NELL2: variants seen among roughly 807,000 people sequenced by gnomAD.
NELL2 encodes neural EGFL like 2, also known as protein kinase C-binding protein NELL2.
A neutral mutation model predicts 109.6 loss-of-function variants in NELL2; 41 were observed. That is an observed-to-expected ratio of 0.37 (90% CI 0.29 to 0.49). The LOEUF is 0.49. Among genes scored for constraint, NELL2 ranks in the 20% least tolerant of loss-of-function variants. The pLI, the probability that NELL2 is intolerant of heterozygous loss-of-function variation, is 0.98. For missense variants in NELL2, 900 were observed against 1,008.3 expected (o/e 0.89, Z 1.45); for synonymous variants, 355 against 344.7 (o/e 1.03, Z -0.33).
At chr12:44,818,989 G>T (rs1414436581) in intron 2 of NELL2, among the ~76,000 whole-genome samples, 1 of 151,730 alleles carries the variant, frequency 6.6e-6, no homozygotes, top group Non-Finnish European at 1.5e-5. Flanking sequence ...TGATCCACCC[G>T]CCTCGGCCTC....
chr12:44,554,696 A>G (rs1943175063), intron 15 of NELL2, among the ~76,000 whole-genome samples: 1 of 152,232 alleles, frequency 6.6e-6, no homozygotes, highest in Non-Finnish European at 1.5e-5. Context: ...TACAATGGTC[A>G]GAAATTGGTC....
intron 15 of NELL2, among the ~76,000 whole-genome samples, chr12:44,549,785 G>A (rs1419234560): frequency 6.6e-6 from 1 of 152,120 alleles, no homozygotes; most frequent in Non-Finnish European, 1.5e-5. Context: ...TTCATGGATT[G>A]GAAGGCTTCA....
At chr12:44,562,563 A>G (rs1039549630) in intron 15 of NELL2, among the ~76,000 whole-genome samples, 2 of 152,264 alleles carry the variant, frequency 1.3e-5, no homozygotes, top group Non-Finnish European at 2.9e-5. Flanking sequence ...AACATACGAA[A>G]AAAAGCTCAT....
chr12:44,557,422 G>A (rs1210336091), intron 15 of NELL2, among the ~76,000 whole-genome samples: 1 of 152,130 alleles, frequency 6.6e-6, no homozygotes, highest in African/African-American at 2.4e-5. Flanking sequence ...AAGGGGAGAT[G>A]GTAGAAAGAG....
intron 13 of NELL2, among the ~76,000 whole-genome samples, chr12:44,642,006 C>A (rs563960099): frequency 1.3e-5 from 2 of 152,226 alleles, no homozygotes; most frequent in South Asian, 4.2e-4. Context: ...CCAGTTTCTT[C>A]ATTTTTGGAG....
At chr12:44,706,549 C>T (rs529329887) in intron 11 of NELL2, among the ~76,000 whole-genome samples, 2 of 152,224 alleles carry the variant, frequency 1.3e-5, no homozygotes, top group Admixed American at 6.5e-5. Context: ...ACTAACTGTA[C>T]ATTAATTAAC....
At chr12:44,553,610 G>C (rs925670772) in intron 15 of NELL2, among the ~76,000 whole-genome samples, 5 of 152,124 alleles carry the variant, frequency 3.3e-5, no homozygotes, top group Non-Finnish European at 5.9e-5. Flanking sequence ...AAGTAGAATA[G>C]TATATGTTTG....
chr12:44,602,008 A>G (rs1296933087), intron 15 of NELL2, among the ~76,000 whole-genome samples: 1 of 152,186 alleles, frequency 6.6e-6, no homozygotes, highest in Non-Finnish European at 1.5e-5. Context: ...ATTAAGGATC[A>G]CCAACATAAA....
At chr12:44,682,658 C>A (rs972012334) in intron 12 of NELL2, among the ~76,000 whole-genome samples, 1 of 152,190 alleles carries the variant, frequency 6.6e-6, no homozygotes, top group Non-Finnish European at 1.5e-5. Context: ...TTCCCCAGCA[C>A]CATTTATTAA....
chr12:44,848,372 G>A (rs1944436047), intron 2 of NELL2, among the ~76,000 whole-genome samples: 1 of 152,144 alleles, frequency 6.6e-6, no homozygotes, highest in Non-Finnish European at 1.5e-5. Flanking sequence ...AAGGCAGTCA[G>A]CCAGGAGATG....
chr12:44,822,331 C>A (rs1468582907), intron 2 of NELL2, among the ~76,000 whole-genome samples: 1 of 152,112 alleles, frequency 6.6e-6, no homozygotes, highest in Non-Finnish European at 1.5e-5. Context: ...GGCCATAACA[C>A]CCTTGTGATT....
chr12:44,743,579 G>A (rs1490953841), intron 9 of NELL2, among the ~76,000 whole-genome samples: 1 of 152,082 alleles, frequency 6.6e-6, no homozygotes, highest in East Asian at 1.9e-4. Context: ...GACACACAAA[G>A]GCTCAAAATA....
At chr12:44,875,108 T>C (rs1204298042) in intron 2 of NELL2, 117 bp downstream of exon 2, 76 of 1,374,404 alleles carry the variant, frequency 5.5e-5, no homozygotes, top group East Asian at 9.9e-5. Flanking sequence ...CTTCTACACC[T>C]CAGCTAAAGT....
chr12:44,625,004 A>ATATATATATATATATGTGTG (rs1197972759), intron 13 of NELL2, among the ~76,000 whole-genome samples: 2 of 100,604 alleles, frequency 2.0e-5, no homozygotes, highest in African/African-American at 1.2e-4. Context: ...GTGTATATAT[A>ATATATATATATATATGTGTG]TATATATATA....
chr12:44,798,917 G>C (rs1942727460), intron 3 of NELL2, among the ~76,000 whole-genome samples: 1 of 149,476 alleles, frequency 6.7e-6, no homozygotes, highest in East Asian at 2.0e-4. Context: ...TTCATATAGG[G>C]GAAAAAAGAA....
rs1945310330 is a variant in NELL2 at position 44,876,068 on chromosome 12, T to A, written c.-199A>T. ...CCAGGCGCGTGAAGAACTTAGACCC[T>A]CCAATGCGCACATCATTCCCACACG... On this transcript the variant is annotated 5_prime_UTR_variant, in exon 1 of 20. Coordinates refer to ENST00000429094, the MANE Select transcript of NELL2 (RefSeq NM_001145108.2). The A allele has an allele frequency of 1.4e-6, 2 of 1,417,878 alleles. No homozygotes were observed. The highest frequency in any genetic ancestry group is 1.8e-6 in the Non-Finnish European group (2 of 1,090,268). The allele number at this position is 1,417,878 out of a possible 1,614,324, so 87.8% of individuals were successfully genotyped here.
intron 14 of NELL2, among the ~76,000 whole-genome samples, chr12:44,609,854 T>C (rs1945544422): frequency 3.3e-5 from 5 of 152,066 alleles, no homozygotes; most frequent in Admixed American, 2.6e-4. Context: ...AAACTGATTT[T>C]AGTGAACTCT....
upstream of NELL2, chr12:44,876,623 CGT>C (rs1566582275): frequency 1.3e-6 from 2 of 1,550,946 alleles, no homozygotes; most frequent in East Asian, 2.4e-5. Context: ...ATTTCGGGCG[CGT>C]GTCTTGAAAG....
intron 3 of NELL2, among the ~76,000 whole-genome samples, chr12:44,789,729 T>C (rs149388809): frequency 4.0e-5 from 6 of 151,538 alleles, no homozygotes; most frequent in East Asian, 3.9e-4. Context: ...AAAAAAGATA[T>C]AAGAAGTGAA....
Sources: gnomAD v4.1 joint callset for allele counts (sites outside exome capture counted in the v4.1 genomes callset) on GRCh38, gnomAD v4.1.1 for gene constraint, MANE v1.5 for transcripts, NCBI Gene and HGNC (gene_info 2026-07-23, HGNC 2026-07-21) for gene names.